ATRNL1: variants seen among roughly 807,000 people sequenced by gnomAD.
The protein encoded by ATRNL1 is attractin-like protein 1.
ATRNL1 carries 95 observed loss-of-function variants against 182.7 expected under a neutral mutation model. The observed-to-expected ratio is 0.52, with a 90% CI of 0.44 to 0.62. The LOEUF (loss-of-function observed/expected upper bound fraction) is 0.62, where lower values mean the gene tolerates loss of function less well. Among genes scored for constraint, ATRNL1 ranks in the 20% least tolerant of loss-of-function variants. ATRNL1 has a pLI of 0.00. For synonymous variants in ATRNL1, 576 were observed against 568.3 expected, an observed-to-expected ratio of 1.01 and a Z score of -0.19; for missense variants, 1,471 against 1,679.5, an observed-to-expected ratio of 0.88 and a Z score of 2.17.
chr10:115,901,074 T>A (rs1212782603), intron 28 of ATRNL1, among the ~76,000 whole-genome samples: 1 of 152,162 alleles, frequency 6.6e-6, no homozygotes, highest in Non-Finnish European at 1.5e-5. Flanking sequence ...GGCACAGATA[T>A]GGACTCTTCT....
intron 10 of ATRNL1, among the ~76,000 whole-genome samples, chr10:115,252,226 A>G (rs1415175746): frequency 6.6e-6 from 1 of 151,996 alleles, no homozygotes; most frequent in Non-Finnish European, 1.5e-5. Flanking sequence ...CGGGGGTTTC[A>G]CTATGTTGGC....
intron 26 of ATRNL1, among the ~76,000 whole-genome samples, chr10:115,646,190 T>C (rs1859604664): frequency 6.6e-6 from 1 of 152,068 alleles, no homozygotes; most frequent in Admixed American, 6.6e-5. Context: ...AAGAATAACT[T>C]TATTCTAATA....
At chr10:115,218,672 G>GC (rs1230759484) in intron 9 of ATRNL1, among the ~76,000 whole-genome samples, 2 of 152,084 alleles carry the variant, frequency 1.3e-5, no homozygotes, top group African/African-American at 4.8e-5. Context: ...TTTACTTGTC[G>GC]CCCCCATAAT....
intron 27 of ATRNL1, among the ~76,000 whole-genome samples, chr10:115,837,466 C>CCACACA (rs71010052): frequency 4.2e-4 from 57 of 135,038 alleles, no homozygotes; most frequent in Middle Eastern, 3.6e-3. Flanking sequence ...GCTTCCCAAG[C>CCACACA]CACACACACA....
At chr10:115,453,679 C>T (rs1847381304) in intron 21 of ATRNL1, among the ~76,000 whole-genome samples, 1 of 151,588 alleles carries the variant, frequency 6.6e-6, no homozygotes, top group African/African-American at 2.4e-5. Flanking sequence ...TCATCATTCT[C>T]AGTAAACTAT....
intron 28 of ATRNL1, among the ~76,000 whole-genome samples, chr10:115,934,116 G>A (rs1953485289): frequency 6.6e-6 from 1 of 152,100 alleles, no homozygotes; most frequent in Admixed American, 6.5e-5. Context: ...TGGATGCCCT[G>A]GATTGAAGAT....
chr10:115,910,197 C>T (rs941924525), intron 28 of ATRNL1, among the ~76,000 whole-genome samples: 5 of 152,152 alleles, frequency 3.3e-5, no homozygotes, highest in African/African-American at 1.2e-4. Context: ...AATGACTAGA[C>T]CCACAGGAGT....
intron 28 of ATRNL1, among the ~76,000 whole-genome samples, chr10:115,897,642 G>A (rs1952241355): frequency 6.6e-6 from 1 of 152,114 alleles, no homozygotes; most frequent in South Asian, 2.1e-4. Flanking sequence ...GGCACTCTCG[G>A]CTCCAGCTAT....
intron 26 of ATRNL1, among the ~76,000 whole-genome samples, chr10:115,654,573 C>T (rs1258883353): frequency 1.3e-5 from 2 of 152,130 alleles, no homozygotes; most frequent in Non-Finnish European, 2.9e-5. Flanking sequence ...AACTGTTTAA[C>T]TGTTAATGGT....
chr10:115,478,106 T>C (rs1848613092), intron 24 of ATRNL1, among the ~76,000 whole-genome samples: 1 of 151,732 alleles, frequency 6.6e-6, no homozygotes, highest in Non-Finnish European at 1.5e-5. Context: ...CATTTCTTCC[T>C]CTGTCAAATG....
chr10:115,141,869 T>C (rs1845765890), intron 5 of ATRNL1, among the ~76,000 whole-genome samples: 1 of 152,202 alleles, frequency 6.6e-6, no homozygotes, highest in African/African-American at 2.4e-5. Context: ...ACTCTTAACC[T>C]ACTAAGAAAG....
chr10:115,887,093 T>C (rs1018992648), intron 28 of ATRNL1, among the ~76,000 whole-genome samples: 1 of 152,208 alleles, frequency 6.6e-6, no homozygotes, highest in Non-Finnish European at 1.5e-5. Flanking sequence ...TGCATCATCA[T>C]GGACCCCACA....
intron 27 of ATRNL1, among the ~76,000 whole-genome samples, chr10:115,753,484 G>GT (rs1555071165): frequency 6.6e-6 from 1 of 152,080 alleles, no homozygotes; most frequent in African/African-American, 2.4e-5. Context: ...CTTCATCCAT[G>GT]TCCCTGCAAA....
At chr10:115,893,964 C>CA (rs533688825) in intron 28 of ATRNL1, among the ~76,000 whole-genome samples, 205 of 139,842 alleles carry the variant, frequency 1.5e-3, no homozygotes, top group African/African-American at 4.2e-3. Context: ...AAGAATGGAC[C>CA]AAAAAAAAAA....
chr10:115,900,212 G>A (rs1332749622), intron 28 of ATRNL1, among the ~76,000 whole-genome samples: 1 of 152,142 alleles, frequency 6.6e-6, no homozygotes, highest in Non-Finnish European at 1.5e-5. Context: ...TTTATAAAAA[G>A]ATAAATTGGG....
chr10:115,304,208 T>C (rs1194014571), intron 17 of ATRNL1, among the ~76,000 whole-genome samples: 1 of 152,208 alleles, frequency 6.6e-6, no homozygotes, highest in Non-Finnish European at 1.5e-5. Flanking sequence ...TATTAGATCA[T>C]TGACTTTCTT....
At chr10:115,881,635 T>C (rs1951829352) in intron 28 of ATRNL1, among the ~76,000 whole-genome samples, 2 of 152,342 alleles carry the variant, frequency 1.3e-5, no homozygotes, top group South Asian at 2.1e-4. Flanking sequence ...AGAACTAACA[T>C]TGACAGAGCC....
At chr10:115,730,253 C>CAAAAAAAAAAAAAAAAAAAAAAAAAA (rs535690432) in intron 27 of ATRNL1, among the ~76,000 whole-genome samples, 1 of 61,418 alleles carries the variant, frequency 1.6e-5, no homozygotes, top group African/African-American at 6.4e-5. Flanking sequence ...TAGGACTCCT[C>CAAAAAAAAAAAAAAAAAAAAAAAAAA]AAAAAAAAAA....
chr10:115,116,996 A>C (rs1159263912), intron 1 of ATRNL1, among the ~76,000 whole-genome samples: 3 of 151,988 alleles, frequency 2.0e-5, no homozygotes, highest in African/African-American at 7.2e-5. Flanking sequence ...CATCACTTAT[A>C]AGAGGGAGAT....
Sources: allele counts gnomAD v4.1 joint callset (sites outside exome capture counted in the v4.1 genomes callset), GRCh38; gene constraint gnomAD v4.1.1; transcripts MANE v1.5; gene names NCBI Gene and HGNC (gene_info 2026-07-23, HGNC 2026-07-21).